Variants in PDE10A observed in about 807,000 individuals in gnomAD.
The protein encoded by PDE10A is cAMP and cAMP-inhibited cGMP 3',5'-cyclic phosphodiesterase 10A.
A neutral mutation model predicts 97.7 loss-of-function variants in PDE10A; 39 were observed. The ratio of observed to expected loss-of-function variants is 0.40; its 90% CI spans 0.31 to 0.52. The LOEUF is 0.52. PDE10A is among the 20% of genes least tolerant of loss of function. The pLI is 0.56. For missense variants in PDE10A, 731 were observed against 1,047.8 expected, an observed-to-expected ratio of 0.70 and a Z score of 4.17; for synonymous variants, 371 against 376.8, an observed-to-expected ratio of 0.98 and a Z score of 0.18.
At chr6:165,966,210 C>T (rs1036031635) in intron 1 of PDE10A, among the ~76,000 whole-genome samples, 7 of 152,138 alleles carry the variant, frequency 4.6e-5, no homozygotes, top group Non-Finnish European at 7.3e-5. Flanking sequence ...GAAAAGTGGC[C>T]TCCCCACAGG....
chr6:165,472,668 A>G (rs541707820), intron 3 of PDE10A, among the ~76,000 whole-genome samples: 1 of 152,310 alleles, frequency 6.6e-6, no homozygotes, highest in South Asian at 2.1e-4. Flanking sequence ...ATGTCAAATT[A>G]GGAATTCAAA....
At chr6:165,362,730 C>A (rs191855990) in intron 18 of PDE10A, among the ~76,000 whole-genome samples, 34 of 152,192 alleles carry the variant, frequency 2.2e-4, no homozygotes. Flanking sequence ...GCCAGTGTTA[C>A]CCTGACACCA....
rs117981841 is a variant in PDE10A, at chr6:165,431,248, G to A, written c.1542+174C>T. 9.6e-3 allele frequency among the ~76,000 whole-genome samples: 1,452 copies of A among 150,874 alleles called. 7 individuals carry two copies. The highest frequency in any genetic ancestry group is 0.016 in the Non-Finnish European group (1,053 of 67,708). ...ACACATATATTGCAAAATATTTAAGGCAGGGAGTAAGTAAATATAACTGAT... is the reference window on the plus strand; with the variant it reads ...ACACATATATTGCAAAATATTTAAGACAGGGAGTAAGTAAATATAACTGAT... On this transcript the variant is annotated intron_variant, in intron 8 of 21. Coordinates refer to ENST00000539869, the MANE Select transcript of PDE10A (RefSeq NM_001385079.1).
At chr6:165,650,447 T>C (rs1789623181) in intron 1 of PDE10A, among the ~76,000 whole-genome samples, 1 of 152,024 alleles carries the variant, frequency 6.6e-6, no homozygotes, top group Non-Finnish European at 1.5e-5. Context: ...CTTTACGCAA[T>C]CACAAATACA....
chr6:165,585,278 GTA>G (rs1785840931), intron 1 of PDE10A, among the ~76,000 whole-genome samples: 1 of 152,202 alleles, frequency 6.6e-6, no homozygotes, highest in Non-Finnish European at 1.5e-5. Flanking sequence ...TTAAGAAGAA[GTA>G]TATGAGTGCC....
rs554989479 is a variant in PDE10A, at chr6:165,453,947, C to T, written c.1024-3585G>A. Among the ~76,000 whole-genome samples the T allele has an allele frequency of 1.5e-4, 20 of 133,678 alleles. No individual in the cohort carries two copies. The East Asian group carries it at 2.5e-3, about 17-fold the overall frequency. 87.7% of individuals were successfully genotyped at this position (133,678 alleles called of 152,430 possible). On this transcript the variant is annotated intron_variant, in intron 3 of 21. Transcript: ENST00000539869. ...CTGTGAGAGCTGAAGTGTGGGCTGG[C>T]CCCAGCAAAAATCATAAGGGCAAGG...
intron 1 of PDE10A, among the ~76,000 whole-genome samples, chr6:165,821,580 G>A (rs1243695305): frequency 1.3e-5 from 2 of 152,014 alleles, no homozygotes; most frequent in Admixed American, 1.3e-4. Flanking sequence ...AGTGGCGTGC[G>A]TGATCTCAGC....
At chr6:165,929,912 T>C (rs1783072190) in intron 1 of PDE10A, among the ~76,000 whole-genome samples, 2 of 151,716 alleles carry the variant, frequency 1.3e-5, no homozygotes, top group South Asian at 4.2e-4. Context: ...CACATATCAC[T>C]CCAGGTGTGA....
chr6:165,397,949 T>C (rs1427494097), intron 13 of PDE10A, among the ~76,000 whole-genome samples: 1 of 152,160 alleles, frequency 6.6e-6, no homozygotes, highest in Non-Finnish European at 1.5e-5. Flanking sequence ...TTTACATACA[T>C]AGAAATCAGA....
At chr6:165,784,050 TC>T (rs1778419714) in intron 1 of PDE10A, among the ~76,000 whole-genome samples, 1 of 151,780 alleles carries the variant, frequency 6.6e-6, no homozygotes, top group East Asian at 1.9e-4. Flanking sequence ...AAACCCTGTC[TC>T]TACTAAAAAT....
At chr6:165,537,559 T>C (rs1783165717) in intron 2 of PDE10A, among the ~76,000 whole-genome samples, 1 of 151,998 alleles carries the variant, frequency 6.6e-6, no homozygotes, top group Non-Finnish European at 1.5e-5. Context: ...TAATAATATA[T>C]TCATAATTTT....
intron 18 of PDE10A, among the ~76,000 whole-genome samples, chr6:165,344,374 A>G (rs1442849662): frequency 6.6e-6 from 1 of 152,242 alleles, no homozygotes; most frequent in Non-Finnish European, 1.5e-5. Flanking sequence ...AGCAAATTAT[A>G]TAATTTTAAA....
chr6:165,790,244 T>C (rs1778610736), intron 1 of PDE10A, among the ~76,000 whole-genome samples: 2 of 152,214 alleles, frequency 1.3e-5, no homozygotes, highest in Admixed American at 1.3e-4. Flanking sequence ...AAGCACAATA[T>C]TGATTTTCAT....
chr6:165,398,415 G>A (rs1482900296), intron 13 of PDE10A, among the ~76,000 whole-genome samples: 1 of 151,094 alleles, frequency 6.6e-6, no homozygotes, highest in African/African-American at 2.4e-5. Flanking sequence ...AGGGAGGCAA[G>A]AGGTGGAGGT....
intron 1 of PDE10A, among the ~76,000 whole-genome samples, chr6:165,679,019 T>A (rs752863820): frequency 6.6e-6 from 1 of 152,226 alleles, no homozygotes; most frequent in East Asian, 1.9e-4. Flanking sequence ...ATGTGGAGGT[T>A]CTGGATTCTC....
intron 2 of PDE10A, among the ~76,000 whole-genome samples, chr6:165,493,889 C>A (rs1382605171): frequency 6.6e-6 from 1 of 151,814 alleles, no homozygotes; most frequent in Admixed American, 6.6e-5. Context: ...ACAGACAACA[C>A]ACAGAGTGAG....
chr6:165,766,120 C>T (rs1031847656), intron 1 of PDE10A, among the ~76,000 whole-genome samples: 5 of 152,180 alleles, frequency 3.3e-5, no homozygotes, highest in African/African-American at 1.2e-4. Context: ...CCCCTCAGCC[C>T]CTGATCCATG....
chr6:165,385,766 A>T (rs1244424363), intron 17 of PDE10A, among the ~76,000 whole-genome samples: 1 of 152,216 alleles, frequency 6.6e-6, no homozygotes, highest in Admixed American at 6.5e-5. Flanking sequence ...CTGCCCATGT[A>T]GATTGGGTTG....
At position 165,577,836 on chromosome 6, in the gene PDE10A, G is replaced by A. The variant is rs1166740876; in HGVS notation, c.866-34268C>T. ...GCTTCCGGCCTGGGCTTCCTAGGAC[G>A]GACGGGAAACTTCCTACAGCTGGGG... On this transcript the variant is annotated intron_variant, in intron 1 of 21. Transcript: ENST00000539869. Among the ~76,000 whole-genome samples the A allele has an allele frequency of 2.6e-5, 4 of 152,282 alleles. No homozygotes were observed. The East Asian group carries it at 5.8e-4, about 22-fold the overall frequency.
Sources: gnomAD v4.1 joint callset for allele counts (sites outside exome capture counted in the v4.1 genomes callset) on GRCh38, gnomAD v4.1.1 for gene constraint, MANE v1.5 for transcripts, NCBI Gene and HGNC (gene_info 2026-07-23, HGNC 2026-07-21) for gene names.